GRIK4: variants seen among roughly 807,000 people sequenced by gnomAD.
The protein encoded by GRIK4 is glutamate ionotropic receptor kainate type subunit 4.
In GRIK4, 40 loss-of-function variants were observed where a neutral mutation model predicts 104.9. That is an observed-to-expected ratio of 0.38 (90% CI 0.30 to 0.50). The LOEUF (loss-of-function observed/expected upper bound fraction) is 0.50, where lower values mean the gene tolerates loss of function less well. Ranked by LOEUF, GRIK4 falls within the 20% of genes least tolerant of loss-of-function variation. The pLI, the probability that GRIK4 is intolerant of heterozygous loss-of-function variation, is 0.93. For missense variants in GRIK4, 1,047 were observed against 1,308.1 expected, an observed-to-expected ratio of 0.80 and a Z score of 3.08; for synonymous variants, 485 against 524.9, an observed-to-expected ratio of 0.92 and a Z score of 1.04.
In GRIK4 at chr11:120,889,589, A is replaced by ATTTTTTTTTTT. The variant is rs369264259; in HGVS notation, c.1165-8923_1165-8913dup. On this transcript the variant is annotated intron_variant, in intron 11 of 20. Transcript: ENST00000527524. Reference sequence around the variant, plus strand: ...ATAGAATAAAATAGAAAGAGCTTACATTTTTTTTTTTTTTTTTTTTTTTTT... The same window carrying ATTTTTTTTTTT: ...ATAGAATAAAATAGAAAGAGCTTACATTTTTTTTTTTTTTTTTTTTTTTTTTTTTTTTTTTT... 4.5e-4 allele frequency among the ~76,000 whole-genome samples: 28 copies of ATTTTTTTTTTT among 62,496 alleles called. 3 individuals are homozygous for ATTTTTTTTTTT. Among genetic ancestry groups the ATTTTTTTTTTT allele is most frequent in the East Asian group, 1.5e-3 (3 of 1,976 alleles). The allele number at this position is 62,496 out of a possible 152,430, so 41.0% of individuals were successfully genotyped here.
At position 120,815,421 on chromosome 11, in the gene GRIK4, A is replaced by G; in HGVS notation, c.291A>G (p.Pro97=). The G allele has an allele frequency of 6.4e-7, 1 of 1,553,058 alleles. No individual in the cohort carries two copies. The highest frequency in any genetic ancestry group is 8.7e-7 in the Non-Finnish European group (1 of 1,147,636). The change falls in exon 5 of 21, where the codon CCA becomes CCG. Residue 97 remains proline, a synonymous_variant. Coordinates refer to ENST00000527524, the MANE Select transcript of GRIK4 (RefSeq NM_014619.5). ...AGGGGGTGGTCGCTGTCCTCGGACCATCGTCCAGCCCAGCCTCCAGCTCCA... is the reference window on the plus strand; with the variant it reads ...AGGGGGTGGTCGCTGTCCTCGGACCGTCGTCCAGCCCAGCCTCCAGCTCCA... The part of the protein sequence containing the change: ...LPKGVVAVLG[P]SSSPASSSII...
At chr11:120,586,312 G>C (rs937236772) in intron 1 of GRIK4, among the ~76,000 whole-genome samples, 2 of 152,128 alleles carry the variant, frequency 1.3e-5, no homozygotes, top group African/African-American at 2.4e-5. Context: ...GGGGCATGAA[G>C]TGTAGGGTGA....
At chr11:120,962,285 A>G (rs1486234946) in intron 17 of GRIK4, among the ~76,000 whole-genome samples, 171 bp from the exon 18 acceptor site, 2 of 152,210 alleles carry the variant, frequency 1.3e-5, no homozygotes, top group Non-Finnish European at 2.9e-5. Context: ...TTACACAGTG[A>G]CAGTGAACAT....
At chr11:120,708,057 C>T (rs1950659848) in intron 3 of GRIK4, among the ~76,000 whole-genome samples, 4 of 152,162 alleles carry the variant, frequency 2.6e-5, no homozygotes, top group Non-Finnish European at 4.4e-5. Flanking sequence ...ATGCCAGAGA[C>T]ACATCATAAG....
intron 17 of GRIK4, among the ~76,000 whole-genome samples, chr11:120,962,177 G>T (rs1944298623): frequency 6.6e-6 from 1 of 152,210 alleles, no homozygotes; most frequent in African/African-American, 2.4e-5. Context: ...CTTGAGGGTA[G>T]ATGAGGCAAA....
chr11:120,661,831 T>TA (rs113906138), intron 3 of GRIK4, among the ~76,000 whole-genome samples: 7,211 of 151,564 alleles, frequency 0.048, 518 homozygotes, highest in African/African-American at 0.16. Flanking sequence ...TCTGCATGCT[T>TA]AAAAAAAAAG....
chr11:120,780,667 T>C (rs1221236120), intron 3 of GRIK4, among the ~76,000 whole-genome samples: 1 of 152,222 alleles, frequency 6.6e-6, no homozygotes, highest in Non-Finnish European at 1.5e-5. Context: ...CTACATCATA[T>C]GGTAATTCTA....
chr11:120,600,361 A>G (rs1948868146), intron 1 of GRIK4, among the ~76,000 whole-genome samples: 1 of 152,144 alleles, frequency 6.6e-6, no homozygotes, highest in South Asian at 2.1e-4. Context: ...AAAAAAAAGA[A>G]AACTAGAGTT....
chr11:120,558,575 G>A (rs552449764), intron 1 of GRIK4, among the ~76,000 whole-genome samples: 1 of 152,208 alleles, frequency 6.6e-6, no homozygotes, highest in Admixed American at 6.5e-5. Flanking sequence ...GCGACAGAGC[G>A]AGACTCCGTC....
chr11:120,686,704 A>G lies in GRIK4; in HGVS notation c.82+26304A>G, dbSNP rs1950282017. ...TTGCCGTTGGCTTTGGAAAGCATTT[A>G]GGTATTTCTGCTTCAGATTTACCTT... On this transcript the variant is annotated intron_variant, in intron 3 of 20. Transcript: ENST00000527524. Among the ~76,000 whole-genome samples, 3 of 152,246 alleles carry G rather than the reference A, an allele frequency of 2.0e-5. No homozygotes were observed. The South Asian group carries it at 6.2e-4, about 32-fold the overall frequency.
rs1942783540 is a variant in GRIK4 at position 120,903,241 on chromosome 11, G to T, written c.1273-2049G>T. ...GTCTGCATCCAGCCTCCCCTCTGCA[G>T]CCGGGCCTTGGTAATCCCTGAGCCC... On this transcript the variant is annotated intron_variant, in intron 12 of 20. Transcript: ENST00000527524. The surrounding 1 kb of genome is among the most constrained non-coding windows in gnomAD (Gnocchi z 4.4). Among the ~76,000 whole-genome samples, 2 of 152,134 alleles carry T rather than the reference G, an allele frequency of 1.3e-5. No individual in the cohort carries two copies. Among genetic ancestry groups the T allele is most frequent in the African/African-American group, 4.8e-5 (2 of 41,414 alleles).
At chr11:120,607,163 G>A (rs760963801) in intron 1 of GRIK4, among the ~76,000 whole-genome samples, 15 of 152,158 alleles carry the variant, frequency 9.9e-5, no homozygotes, top group Non-Finnish European at 2.1e-4. Context: ...AGGAGGAGGA[G>A]GACAGGCTTC....
intron 13 of GRIK4, among the ~76,000 whole-genome samples, chr11:120,911,952 C>A (rs1433685170): frequency 1.3e-5 from 2 of 152,090 alleles, no homozygotes; most frequent in African/African-American, 4.8e-5. Flanking sequence ...GTAATTCCAC[C>A]ACCTGGTAAT....
chr11:120,544,931 C>T (rs990662772), intron 1 of GRIK4, among the ~76,000 whole-genome samples: 1 of 152,134 alleles, frequency 6.6e-6, no homozygotes, highest in African/African-American at 2.4e-5. Context: ...TGAGCACAGC[C>T]CGGACTCCCA....
At chr11:120,774,002 A>C (rs1205931528) in intron 3 of GRIK4, among the ~76,000 whole-genome samples, 1 of 152,222 alleles carries the variant, frequency 6.6e-6, no homozygotes, top group Non-Finnish European at 1.5e-5. Flanking sequence ...TCGCAATCCA[A>C]AATTCAATAA....
At chr11:120,891,795 A>G (rs907443406) in intron 11 of GRIK4, among the ~76,000 whole-genome samples, 11 of 152,354 alleles carry the variant, frequency 7.2e-5, no homozygotes, top group African/African-American at 2.6e-4. Context: ...TTGAGGGATT[A>G]GCAAGGAAAG....
At chr11:120,649,910 G>T (rs775530231) in intron 1 of GRIK4, among the ~76,000 whole-genome samples, 1 of 152,226 alleles carries the variant, frequency 6.6e-6, no homozygotes, top group African/African-American at 2.4e-5. Context: ...TGCTCTAAGT[G>T]TGCTATAGGT....
At chr11:120,578,938 G>T (rs1326947443) in intron 1 of GRIK4, among the ~76,000 whole-genome samples, 2 of 152,208 alleles carry the variant, frequency 1.3e-5, no homozygotes, top group Non-Finnish European at 2.9e-5. Flanking sequence ...GTCAGAAGTT[G>T]CGGGTTAAGT....
intron 3 of GRIK4, among the ~76,000 whole-genome samples, chr11:120,712,632 A>C (rs1950756861): frequency 6.6e-6 from 1 of 151,994 alleles, no homozygotes; most frequent in Non-Finnish European, 1.5e-5. Context: ...TTAAAAAAAA[A>C]AAAAAAAACT....
Sources: allele counts gnomAD v4.1 joint callset (sites outside exome capture counted in the v4.1 genomes callset), GRCh38; gene constraint gnomAD v4.1.1; non-coding constraint Gnocchi (gnomAD v3.1); transcripts MANE v1.5; gene names NCBI Gene and HGNC (gene_info 2026-07-23, HGNC 2026-07-21).